Variants in NOTCH1 observed in about 807,000 individuals in gnomAD.
NOTCH1 encodes the protein neurogenic locus notch homolog protein 1.
NOTCH1 carries 37 observed loss-of-function variants against 254.8 expected under a neutral mutation model. The observed-to-expected ratio is 0.15, with a 90% CI of 0.11 to 0.19. NOTCH1 has a LOEUF of 0.19. Among genes scored for constraint, NOTCH1 ranks in the 10% least tolerant of loss-of-function variants. The pLI, the probability that NOTCH1 is intolerant of heterozygous loss-of-function variation, is 1.00. For synonymous variants in NOTCH1, 1,731 were observed against 1,618.1 expected (o/e 1.07, Z -1.68); for missense variants, 2,972 against 3,708.6 (o/e 0.80, Z 5.16).
rs1483422675 is a variant in NOTCH1 at position 136,509,792 on chromosome 9, G to A, written c.2910C>T (p.Thr970=). 1.9e-6 allele frequency: 3 copies of A among 1,613,022 alleles called. No individual in the cohort carries two copies. Among genetic ancestry groups the A allele is most frequent in the African/African-American group, 1.3e-5 (1 of 74,960 alleles). ...GGATCCCGCTGAAGCCTGCGGGGCA[G>A]GTGCACGTGTAGCTGTCCACGCAGT... ...CTDCVDSYTC[T]CPAGFSGIHC... Residue 970 remains threonine, a synonymous_variant, in exon 18 of 34, where the codon ACC becomes ACT. Transcript: ENST00000651671.
intron 6 of NOTCH1, 78 bp from the exon 7 acceptor site, chr9:136,518,370 C>T (rs563680299): frequency 9.8e-6 from 15 of 1,530,586 alleles, no homozygotes; most frequent in Non-Finnish European, 1.3e-5. Context: ...GGTCCAACCC[C>T]ACTGACACCC....
At chr9:136,542,199 T>C (rs1344239735) in intron 2 of NOTCH1, among the ~76,000 whole-genome samples, 1 of 152,142 alleles carries the variant, frequency 6.6e-6, no homozygotes, top group Non-Finnish European at 1.5e-5. Flanking sequence ...GGCCAGGCTG[T>C]GCCTACTCCC....
At chr9:136,511,407 C>A in intron 15 of NOTCH1, 136 bp from the exon 16 acceptor site, 1 of 1,130,354 alleles carries the variant, frequency 8.8e-7, no homozygotes, top group Middle Eastern at 2.1e-4. Flanking sequence ...CACCGAGACC[C>A]CTGAGCGCTC....
chr9:136,512,972 T>G (rs766029549), intron 15 of NOTCH1, 49 bp downstream of exon 15: 1 of 294,228 alleles, frequency 3.4e-6, no homozygotes, highest in Admixed American at 4.6e-5. Flanking sequence ...GTCCCGCCCC[T>G]CCCACATAGG....
chr9:136,522,780 C>T, intron 4 of NOTCH1, 70 bp downstream of exon 4: 2 of 1,393,036 alleles, frequency 1.4e-6, no homozygotes, highest in Non-Finnish European at 1.9e-6. Flanking sequence ...ACACCAGGCG[C>T]CCCGTTCCCA....
chr9:136,529,822 G>A (rs1589076492), intron 2 of NOTCH1, among the ~76,000 whole-genome samples: 1 of 152,362 alleles, frequency 6.6e-6, no homozygotes, highest in South Asian at 2.1e-4. Context: ...GGGCCAAGGG[G>A]CCCACGACAG....
chr9:136,498,551 A>C (rs1842950641), intron 33 of NOTCH1, among the ~76,000 whole-genome samples: 1 of 152,106 alleles, frequency 6.6e-6, no homozygotes, highest in Non-Finnish European at 1.5e-5. Context: ...ACAGAAGGTG[A>C]GGTCCAGGTG....
At chr9:136,544,564 G>T (rs1843783487) in intron 1 of NOTCH1, among the ~76,000 whole-genome samples, 1 of 152,136 alleles carries the variant, frequency 6.6e-6, no homozygotes, top group South Asian at 2.1e-4. Context: ...TGGACGGGGG[G>T]AGGGGGGGTG....
intron 17 of NOTCH1, among the ~76,000 whole-genome samples, chr9:136,510,281 A>AC (rs1343934848): frequency 6.6e-6 from 1 of 151,780 alleles, no homozygotes; most frequent in African/African-American, 2.4e-5. Flanking sequence ...TGCCAGCAAG[A>AC]CCCCCGGCTT....
At chr9:136,511,520 C>G (rs1843181732) in intron 15 of NOTCH1, among the ~76,000 whole-genome samples, 1 of 152,234 alleles carries the variant, frequency 6.6e-6, no homozygotes, top group Admixed American at 6.5e-5. Flanking sequence ...CCCCTCATTC[C>G]CGGTTGGCAG....
rs146071184 is a variant in NOTCH1 at position 136,502,567 on chromosome 9, G to A, written c.5168-79C>T. The A allele has an allele frequency of 1.4e-3, 1,339 of 929,792 alleles. 12 individuals carry two copies. In the African/African-American group the frequency reaches 0.02, roughly 14 times the overall value. The allele number at this position is 929,792 out of a possible 1,614,324, so 57.6% of individuals were successfully genotyped here. A position where few individuals can be genotyped will look rare whatever the true frequency, so the allele number is the denominator to read the frequency against. ...AGCAGGCTGGTGGCCGGGGGGCGGC[G>A]GACTGGCTCCGCGTCCGGGCGCCTC... On this transcript the variant is annotated intron_variant, in intron 27 of 33. Transcript: ENST00000651671.
chr9:136,508,295 C>G lies in NOTCH1; in HGVS notation c.3262G>C (p.Gly1088Arg), dbSNP rs531420022. 2.0e-5 allele frequency: 32 copies of G among 1,612,858 alleles called. No homozygotes were observed. The highest frequency in any genetic ancestry group is 2.7e-5 in the Non-Finnish European group (32 of 1,180,004). ...ACGTCGCAGTAAAGGCCGGTCCAGC[C>G]GCTGGGGCACTCGCAGCGGTACTGG... ...HTQYRCECPS[G>R]WTGLYCDVPS... The change falls in exon 20 of 34, where the codon GGC becomes CGC. Residue 1088 changes from glycine (G) to arginine (R), a missense_variant. Transcript: ENST00000651671.
At chr9:136,499,384 C>T (rs1488226183) in intron 31 of NOTCH1, 125 bp from the exon 32 acceptor site, 29 of 1,385,794 alleles carry the variant, frequency 2.1e-5, no homozygotes, top group South Asian at 2.6e-5. Context: ...CTCCTGAGAT[C>T]GGCACGGCCG....
At chr9:136,526,285 T>G (rs1843458733) in intron 2 of NOTCH1, among the ~76,000 whole-genome samples, 1 of 152,216 alleles carries the variant, frequency 6.6e-6, no homozygotes, top group African/African-American at 2.4e-5. Flanking sequence ...TCCCTCCACA[T>G]AAATGCCCCA....
Position 136,503,300 on chromosome 9 carries a change from C to T in NOTCH1, c.5049G>A (p.Arg1683=), listed in dbSNP as rs749951491. Residue 1683 remains arginine (R), a synonymous_variant, in exon 27 of 34, where the codon CGG becomes CGA. Coordinates refer to ENST00000651671, the MANE Select transcript of NOTCH1 (RefSeq NM_017617.5). ...ACTGCGAGGAGGCCTGCACACACTG[C>T]CGGTTGTCAATCTCCAGGTAGACGA... ...GSIVYLEIDN[R]QCVQASSQCF... is the part of the protein sequence containing the mutation. The T allele has an allele frequency of 1.9e-6, 3 of 1,612,968 alleles. No individual in the cohort carries two copies. Among genetic ancestry groups the T allele is most frequent in the Non-Finnish European group, 2.5e-6 (3 of 1,179,900 alleles).
Position 136,545,794 on chromosome 9 carries a change from C to A in NOTCH1, c.-8G>T. On this transcript the variant is annotated 5_prime_UTR_variant, in exon 1 of 34. Coordinates refer to ENST00000651671, the MANE Select transcript of NOTCH1 (RefSeq NM_017617.5). The surrounding 1 kb of genome is among the most constrained non-coding windows in gnomAD (Gnocchi z 6.8). ...CGCCAGGAGCGGCGGCATGCCTCCC[C>A]ACCGGCTGCCCTCTGCGCCCGGGCG... The A allele has an allele frequency of 7.6e-7, 1 of 1,317,276 alleles. No homozygotes were observed. The highest frequency in any genetic ancestry group is 9.7e-7 in the Non-Finnish European group (1 of 1,032,730). 81.6% of individuals were successfully genotyped at this position (1,317,276 alleles called of 1,614,324 possible). A position where few individuals can be genotyped will look rare whatever the true frequency, so the allele number is the denominator to read the frequency against.
chr9:136,523,987 C>T lies in NOTCH1; in HGVS notation c.141-8G>A, dbSNP rs1171137868. On this transcript the variant is annotated splice_polypyrimidine_tract_variant and splice_region_variant and intron_variant, in intron 2 of 33. Coordinates refer to ENST00000651671, the MANE Select transcript of NOTCH1 (RefSeq NM_017617.5). ...ACGAAGGCCCCGCCACAGCTGTTGG[C>T]AGATGTGCCAGGGCAGTTAGTTCCC... The T allele has an allele frequency of 6.5e-7, 1 of 1,547,594 alleles. No homozygotes were observed. Among genetic ancestry groups the T allele is most frequent in the South Asian group, 1.2e-5 (1 of 84,358 alleles).
chr9:136,503,057 C>A, intron 27 of NOTCH1, 125 bp downstream of exon 27: 1 of 1,404,702 alleles, frequency 7.1e-7, no homozygotes, highest in Non-Finnish European at 9.9e-7. Context: ...AAGCCCTACC[C>A]CAACTCGGAC....
intron 2 of NOTCH1, among the ~76,000 whole-genome samples, chr9:136,533,929 C>G (rs995304386): frequency 6.6e-6 from 1 of 152,238 alleles, no homozygotes; most frequent in Non-Finnish European, 1.5e-5. Flanking sequence ...AGCCAGGTCT[C>G]CCCGCCGTGG....
Sources: gnomAD v4.1 joint callset for allele counts (sites outside exome capture counted in the v4.1 genomes callset) on GRCh38, gnomAD v4.1.1 for gene constraint, Gnocchi (gnomAD v3.1) non-coding constraint, MANE v1.5 for transcripts, NCBI Gene and HGNC (gene_info 2026-07-23, HGNC 2026-07-21) for gene names.